BSN: variants seen among roughly 807,000 people sequenced by gnomAD.
BSN encodes the protein bassoon presynaptic cytomatrix protein, also known as protein bassoon.
A neutral mutation model predicts 264.8 loss-of-function variants in BSN; 57 were observed. The ratio of observed to expected loss-of-function variants is 0.22; its 90% confidence interval spans 0.17 to 0.27. BSN has a LOEUF of 0.27. BSN is among the 10% of genes least tolerant of loss of function. The pLI, the probability that BSN is intolerant of heterozygous loss-of-function variation, is 1.00. For missense variants in BSN, 4,615 were observed against 5,232.5 expected (o/e 0.88, Z 3.64); for synonymous variants, 2,059 against 2,137.3 (o/e 0.96, Z 1.01).
rs1475618613 is a variant in BSN, at chr3:49,662,509, G to A, written c.10664G>A (p.Arg3555His). The A allele has an allele frequency of 1.4e-5, 22 of 1,611,656 alleles. No individual in the cohort carries two copies. Among genetic ancestry groups the A allele is most frequent in the South Asian group, 3.3e-5 (3 of 90,718 alleles). Residue 3555 changes from arginine to histidine, a missense_variant, in exon 6 of 12, where the codon CGT (arginine) becomes CAT (histidine). Transcript: ENST00000296452. ...KDGPRAHAYKREEGYILDDSH... is the reference protein window; with the variant it reads ...KDGPRAHAYKHEEGYILDDSH... ...GGACCTCGGGCCCACGCATATAAGC[G>A]TGAGGAGGGCTACATCCTGGATGAT...
intron 1 of BSN, among the ~76,000 whole-genome samples, chr3:49,575,783 C>T (rs569569917): frequency 3.3e-5 from 5 of 151,616 alleles, no homozygotes; most frequent in Admixed American, 2.6e-4. Context: ...TCCATCTCCA[C>T]CTTGGGTCAA....
chr3:49,605,715 AAC>A (rs2052126633), intron 1 of BSN, among the ~76,000 whole-genome samples: 3 of 38,404 alleles, frequency 7.8e-5, no homozygotes, highest in South Asian at 1.4e-3. Context: ...TAAAATATAT[AAC>A]ATATAAATGT....
chr3:49,629,440 G>C (rs2052368466), intron 2 of BSN, among the ~76,000 whole-genome samples: 1 of 152,246 alleles, frequency 6.6e-6, no homozygotes, highest in Non-Finnish European at 1.5e-5. Flanking sequence ...TGCAGTTGGG[G>C]TGGGCAGTGG....
chr3:49,652,154 G>T lies in BSN; in HGVS notation c.2598G>T (p.Gly866=). The part of the protein sequence containing the change: ...NLEEDDTATS[G]RGLAKHGTQK... ...AGGAGGATGACACTGCCACCTCCGGGCGTGGCCTGGCCAAACATGGCACCC... is the reference window on the plus strand; with the variant it reads ...AGGAGGATGACACTGCCACCTCCGGTCGTGGCCTGGCCAAACATGGCACCC... The change falls in exon 5 of 12, where the codon GGG becomes GGT. Residue 866 remains glycine, a synonymous_variant. Coordinates refer to ENST00000296452, the MANE Select transcript of BSN (RefSeq NM_003458.4). The T allele has an allele frequency of 6.2e-7, 1 of 1,614,038 alleles. No individual in the cohort carries two copies. The highest frequency in any genetic ancestry group is 8.5e-7 in the Non-Finnish European group (1 of 1,179,964).
intron 1 of BSN, among the ~76,000 whole-genome samples, chr3:49,605,776 A>C (rs1359545503): frequency 3.7e-5 from 3 of 80,778 alleles, no homozygotes; most frequent in African/African-American, 1.5e-4. Flanking sequence ...AAAAATATAT[A>C]TAATATATAA....
Position 49,655,385 on chromosome 3 carries a change from T to C in BSN, c.5829T>C (p.Gly1943=). The C allele has an allele frequency of 1.3e-6, 2 of 1,578,602 alleles. No individual in the cohort carries two copies. The change falls in exon 5 of 12, where the codon GGT becomes GGC. Residue 1943 remains glycine (G), a synonymous_variant. Transcript: ENST00000296452. ...PPGQSSSPFY[G]PRDPEPPEPP... ...GCCAAAGCAGCAGCCCCTTCTATGG[T>C]CCCCGGGACCCTGAGCCTCCTGAGC...
chr3:49,631,571 A>AG (rs1344856538), intron 2 of BSN, among the ~76,000 whole-genome samples: 6 of 151,922 alleles, frequency 3.9e-5, no homozygotes, highest in African/African-American at 1.5e-4. Flanking sequence ...AAAAAAAAAA[A>AG]AAAAGTTATT....
In BSN at chr3:49,661,289, A is replaced by G. The variant is rs1288739444; in HGVS notation, c.9444A>G (p.Thr3148=). The change falls in exon 6 of 12, where the codon ACA becomes ACG. Residue 3148 remains threonine (T), a synonymous_variant. Coordinates refer to ENST00000296452, the MANE Select transcript of BSN (RefSeq NM_003458.4). Reference sequence around the variant, plus strand: ...CCCCACTGCAGAAGCCACGCCAGACATCGCTAGCCGACTTGGAGCAGAAGG... The same window carrying G: ...CCCCACTGCAGAAGCCACGCCAGACGTCGCTAGCCGACTTGGAGCAGAAGG... ...SRAPLQKPRQ[T]SLADLEQKVP... is the part of the protein sequence containing the mutation. The G allele has an allele frequency of 6.2e-7, 1 of 1,613,870 alleles. No homozygotes were observed.
chr3:49,587,458 T>C (rs2051945307), intron 1 of BSN, among the ~76,000 whole-genome samples: 1 of 152,198 alleles, frequency 6.6e-6, no homozygotes. Context: ...GGGTCTTGAC[T>C]ACAAGTGGTC....
chr3:49,599,544 G>C lies in BSN; in HGVS notation c.225-25431G>C, dbSNP rs571169766. On this transcript the variant is annotated intron_variant, in intron 1 of 11. Coordinates refer to ENST00000296452, the MANE Select transcript of BSN (RefSeq NM_003458.4). Reference sequence around the variant, plus strand: ...ATTTTCATAAGACAGAGCTAGGGATGGGGGAGGGAATGAGTTGTTGTCCAA... The same window carrying C: ...ATTTTCATAAGACAGAGCTAGGGATCGGGGAGGGAATGAGTTGTTGTCCAA... 3.2e-4 allele frequency among the ~76,000 whole-genome samples: 48 copies of C among 152,220 alleles called. 1 individual carries two copies. In the South Asian group the frequency reaches 9.8e-3, roughly 31 times the overall value.
intron 3 of BSN, among the ~76,000 whole-genome samples, chr3:49,649,774 C>G (rs2052527240): frequency 6.6e-6 from 1 of 152,226 alleles, no homozygotes. Context: ...TCATGGCTGT[C>G]TTCAGCCCCC....
intron 2 of BSN, among the ~76,000 whole-genome samples, chr3:49,626,071 T>G (rs1404528063): frequency 1.3e-5 from 2 of 152,176 alleles, no homozygotes; most frequent in Non-Finnish European, 2.9e-5. Context: ...TTGGCTTCTT[T>G]TTCGCCCAAG....
Position 49,655,072 on chromosome 3 carries a change from C to G in BSN, c.5516C>G (p.Ala1839Gly). The G allele has an allele frequency of 6.2e-7, 1 of 1,612,974 alleles. No individual in the cohort carries two copies. The highest frequency in any genetic ancestry group is 8.5e-7 in the Non-Finnish European group (1 of 1,180,020). Residue 1839 changes from alanine (A) to glycine (G), a missense_variant, in exon 5 of 12, where the codon GCC becomes GGC. Coordinates refer to ENST00000296452, the MANE Select transcript of BSN (RefSeq NM_003458.4). Reference protein sequence around the residue: ...LKPGPVPEPGAEPHRATPAEL... With the variant: ...LKPGPVPEPGGEPHRATPAEL... ...CCAGGCCCAGTGCCAGAGCCAGGTG[C>G]CGAGCCCCACCGGGCCACCCCTGCA...
Position 49,606,236 on chromosome 3 carries a change from T to A in BSN, c.225-18739T>A, listed in dbSNP as rs1266328370. Among the ~76,000 whole-genome samples, 67 of 23,674 alleles carry A rather than the reference T, an allele frequency of 2.8e-3. 1 individual carries two copies. The highest frequency in any genetic ancestry group is 7.6e-3 in the African/African-American group (63 of 8,338). The allele number at this position is 23,674 out of a possible 152,430, so 15.5% of individuals were successfully genotyped here. ...GTATATATTATATATACATATATTA[T>A]ATATGTATATATTATATATAAAATA... On this transcript the variant is annotated intron_variant, in intron 1 of 11. Coordinates refer to ENST00000296452, the MANE Select transcript of BSN (RefSeq NM_003458.4).
chr3:49,673,086 A>ATTTTTTTTTTTT (rs1559625175), downstream of BSN, among the ~76,000 whole-genome samples: 2 of 3,778 alleles, frequency 5.3e-4, no homozygotes, highest in Non-Finnish European at 1.3e-3. Context: ...GCCGGCCGGG[A>ATTTTTTTTTTTT]CTTTTTTTTT....
intron 2 of BSN, among the ~76,000 whole-genome samples, chr3:49,629,975 T>G (rs1216557575): frequency 6.6e-6 from 1 of 152,164 alleles, no homozygotes; most frequent in Non-Finnish European, 1.5e-5. Flanking sequence ...CCTACGCAGT[T>G]TCCCAGGGTG....
intron 1 of BSN, among the ~76,000 whole-genome samples, chr3:49,579,432 T>C (rs2051876226): frequency 6.6e-6 from 1 of 151,942 alleles, no homozygotes; most frequent in Non-Finnish European, 1.5e-5. Context: ...AGACGGAGTC[T>C]CGCACTGTTG....
chr3:49,633,729 T>C (rs2052399419), intron 2 of BSN, among the ~76,000 whole-genome samples: 1 of 152,200 alleles, frequency 6.6e-6, no homozygotes, highest in Non-Finnish European at 1.5e-5. Flanking sequence ...TATACATACA[T>C]ACACACAACG....
chr3:49,655,592 G>C lies in BSN; in HGVS notation c.6036G>C (p.Ser2012=), dbSNP rs372754920. Residue 2012 remains serine (S), a synonymous_variant, in exon 5 of 12, where the codon TCG becomes TCC. Transcript: ENST00000296452. ...TCTTCCAGGGTCCTGGACGAGACTC[G>C]GCTATGGACCTCAGCTCACTGAAGC... is the stretch of plus-strand genomic sequence containing the variant. ...GQLFQGPGRD[S]AMDLSSLKHS... 10 of 1,613,522 alleles carry C rather than the reference G, an allele frequency of 6.2e-6. No homozygotes were observed. The highest frequency in any genetic ancestry group is 4.0e-5 in the African/African-American group (3 of 74,938).
Sources: gnomAD v4.1 joint callset for allele counts (sites outside exome capture counted in the v4.1 genomes callset) on GRCh38, gnomAD v4.1.1 for gene constraint, MANE v1.5 for transcripts, NCBI Gene and HGNC (gene_info 2026-07-23, HGNC 2026-07-21) for gene names.